The following TMEM108 variants were observed in gnomAD, a reference collection of about 807,000 sequenced individuals.
TMEM108 encodes cancer/testis antigen 124.
TMEM108 carries 12 observed loss-of-function variants against 35.1 expected under a neutral mutation model. That is an observed-to-expected ratio of 0.34 (90% confidence interval 0.22 to 0.55). TMEM108 has a LOEUF of 0.55. TMEM108 is among the 20% of genes least tolerant of loss of function. The probability of loss-of-function intolerance (pLI) is 0.89; values close to 1 mark genes in which losing one functional copy is unlikely to be tolerated. For missense variants in TMEM108, 680 were observed against 753.3 expected (o/e 0.90, Z 1.14); for synonymous variants, 287 against 308.6 (o/e 0.93, Z 0.73).
At chr3:133,180,732 G>A (rs1043595368) in intron 2 of TMEM108, among the ~76,000 whole-genome samples, 1 of 152,016 alleles carries the variant, frequency 6.6e-6, no homozygotes, top group Middle Eastern at 3.2e-3. Flanking sequence ...TTTGCAGCTT[G>A]ATCTTCTTTT....
intron 2 of TMEM108, among the ~76,000 whole-genome samples, chr3:133,074,803 A>C (rs1015492817): frequency 6.6e-6 from 1 of 152,220 alleles, no homozygotes; most frequent in East Asian, 1.9e-4. Context: ...AGCCTATTTT[A>C]TAATAAAGTT....
At chr3:133,133,871 C>G (rs1944526977) in intron 2 of TMEM108, among the ~76,000 whole-genome samples, 1 of 151,844 alleles carries the variant, frequency 6.6e-6, no homozygotes, top group Admixed American at 6.6e-5. Context: ...TCACGCCATT[C>G]TCCTGCCTCA....
At chr3:133,047,247 G>C (rs1943351221) in intron 2 of TMEM108, among the ~76,000 whole-genome samples, 2 of 152,160 alleles carry the variant, frequency 1.3e-5, no homozygotes, top group Admixed American at 6.5e-5. Context: ...TTAAAAGAAA[G>C]GAGCTGGTCT....
In TMEM108 at chr3:133,380,156, G is replaced by A; in HGVS notation, c.445G>A (p.Ala149Thr). 1 of 1,612,782 alleles carries A rather than the reference G, an allele frequency of 6.2e-7. No individual in the cohort carries two copies. Among genetic ancestry groups the A allele is most frequent in the Non-Finnish European group, 8.5e-7 (1 of 1,179,522 alleles). Residue 149 changes from alanine to threonine, a missense_variant, in exon 4 of 6, where the codon GCC (alanine) becomes ACC (threonine). By Grantham distance (58) the Ala-to-Thr change is moderately conservative. This residue lies in a region of TMEM108 where 526 missense variants were observed against 532.1 expected (regional missense o/e 0.99). Transcript: ENST00000321871. This position sits in a 1 kb window ranked among gnomAD's most constrained non-coding sequence, Gnocchi z 5.3. The part of the protein sequence containing the change: ...PTILLTKPPG[A>T]TSRPTTAPPR... ...CATCCTGCTGACAAAGCCACCGGGG[G>A]CCACCAGCCGCCCCACCACAGCGCC...
At chr3:133,265,529 T>G (rs1486628086) in intron 3 of TMEM108, among the ~76,000 whole-genome samples, 1 of 152,128 alleles carries the variant, frequency 6.6e-6, no homozygotes, top group East Asian at 1.9e-4. Context: ...TGCGAACCAA[T>G]GTGCTCACAT....
chr3:133,064,702 A>G (rs1559820885), intron 2 of TMEM108, among the ~76,000 whole-genome samples: 1 of 151,552 alleles, frequency 6.6e-6, no homozygotes. Context: ...TGGTTAGAGA[A>G]ATAAACCTTT....
chr3:133,365,890 C>G (rs1037458675), intron 3 of TMEM108, among the ~76,000 whole-genome samples: 1 of 151,998 alleles, frequency 6.6e-6, no homozygotes, highest in African/African-American at 2.4e-5. Flanking sequence ...ATGAGCTCAC[C>G]AGGAGCAGAA....
chr3:133,254,069 G>A (rs1448968645), intron 3 of TMEM108, among the ~76,000 whole-genome samples: 1 of 152,176 alleles, frequency 6.6e-6, no homozygotes, highest in Non-Finnish European at 1.5e-5. Flanking sequence ...CAGGCACAGT[G>A]GGTCACACCT....
chr3:133,090,997 C>T (rs1943940587), intron 2 of TMEM108, among the ~76,000 whole-genome samples: 1 of 152,032 alleles, frequency 6.6e-6, no homozygotes, highest in African/African-American at 2.4e-5. Context: ...TAGGGTAAAT[C>T]ACTGTAAGTA....
At chr3:133,393,427 C>T (rs1484496564) in intron 5 of TMEM108, among the ~76,000 whole-genome samples, 1 of 152,198 alleles carries the variant, frequency 6.6e-6, no homozygotes, top group Non-Finnish European at 1.5e-5. Flanking sequence ...TGCTCTATTC[C>T]CAGCACCTGG....
intron 2 of TMEM108, among the ~76,000 whole-genome samples, chr3:133,053,545 C>T (rs1943431467): frequency 6.6e-6 from 1 of 152,160 alleles, no homozygotes; most frequent in African/African-American, 2.4e-5. Flanking sequence ...AGTGGAAACT[C>T]AAGTTACTTT....
intron 2 of TMEM108, among the ~76,000 whole-genome samples, chr3:133,167,742 G>A (rs574183873): frequency 1.8e-4 from 27 of 152,250 alleles, no homozygotes; most frequent in Middle Eastern, 3.4e-3. Flanking sequence ...CGTGAGCACC[G>A]CATGCAGCCC....
At chr3:133,165,007 AC>A (rs5852733) in intron 2 of TMEM108, among the ~76,000 whole-genome samples, 136,626 of 152,198 alleles carry the variant, frequency 0.9, 61,441 homozygotes, top group East Asian at 0.95. Flanking sequence ...TATAAACACT[AC>A]CTGCCTTTGA....
In TMEM108 at chr3:133,172,821, G is replaced by A. The variant is rs557256353; in HGVS notation, c.-46-56445G>A. ...TATTGCAGGAGGGACCTGGTGGGAAGTAATTGAATCATGGGGGCAGGTCTT... is the reference window on the plus strand; with the variant it reads ...TATTGCAGGAGGGACCTGGTGGGAAATAATTGAATCATGGGGGCAGGTCTT... On this transcript the variant is annotated intron_variant, in intron 2 of 5. Coordinates refer to ENST00000321871, the MANE Select transcript of TMEM108 (RefSeq NM_023943.4). 1.1e-4 allele frequency among the ~76,000 whole-genome samples: 16 copies of A among 152,326 alleles called. No homozygotes were observed. The South Asian group carries it at 3.3e-3, about 32-fold the overall frequency.
At chr3:133,248,444 T>C (rs1248058108) in intron 3 of TMEM108, 4 of 152,232 alleles carry the variant, frequency 2.6e-5, no homozygotes, top group Non-Finnish European at 5.9e-5. Flanking sequence ...TTTGGAAAAC[T>C]GTGACCCACT....
At chr3:133,085,872 T>A (rs1943875870) in intron 2 of TMEM108, among the ~76,000 whole-genome samples, 1 of 152,204 alleles carries the variant, frequency 6.6e-6, no homozygotes, top group Non-Finnish European at 1.5e-5. Flanking sequence ...TTGAGATTTT[T>A]AAAAAAGTAT....
At chr3:133,378,786 G>A (rs1308200005) in intron 3 of TMEM108, among the ~76,000 whole-genome samples, 1 of 149,150 alleles carries the variant, frequency 6.7e-6, no homozygotes, top group African/African-American at 2.5e-5. Flanking sequence ...TATGCACATT[G>A]GCTATCATAC....
At chr3:133,044,653 A>G (rs1420351716) in intron 1 of TMEM108, among the ~76,000 whole-genome samples, 1 of 152,196 alleles carries the variant, frequency 6.6e-6, no homozygotes, top group Non-Finnish European at 1.5e-5. Flanking sequence ...GAGGATGCAC[A>G]TGCACCTTAA....
intron 2 of TMEM108, among the ~76,000 whole-genome samples, chr3:133,122,601 C>T (rs1944366581): frequency 6.6e-6 from 1 of 152,118 alleles, no homozygotes; most frequent in African/African-American, 2.4e-5. Context: ...CACGGTGGCT[C>T]ACGCCTGTAA....
Sources: gnomAD v4.1 joint callset for allele counts (sites outside exome capture counted in the v4.1 genomes callset) on GRCh38, gnomAD v4.1.1 for gene constraint, gnomAD v4.1.1 regional missense constraint, Gnocchi (gnomAD v3.1) non-coding constraint, MANE v1.5 for transcripts, NCBI Gene and HGNC (gene_info 2026-07-23, HGNC 2026-07-21) for gene names.